HSD17B7: variants seen among roughly 807,000 people sequenced by gnomAD.
The protein encoded by HSD17B7 is 3-keto-steroid reductase/17-beta-hydroxysteroid dehydrogenase 7.
Under a neutral mutation model 34.1 loss-of-function variants are expected in HSD17B7, and 17 were observed. That is an observed-to-expected ratio of 0.50 (90% CI 0.34 to 0.75). The LOEUF (loss-of-function observed/expected upper bound fraction) is 0.75. Ranked by LOEUF, HSD17B7 falls within the 30% of genes least tolerant of loss-of-function variation. The pLI, the probability that HSD17B7 is intolerant of heterozygous loss-of-function variation, is 0.01. For missense variants in HSD17B7, 296 were observed against 406.6 expected (o/e 0.73, Z 2.34); for synonymous variants, 122 against 154.6 (o/e 0.79, Z 1.56).
At chr1:162,805,836 G>A (rs1429106917) in intron 8 of HSD17B7, among the ~76,000 whole-genome samples, 3 of 152,188 alleles carry the variant, frequency 2.0e-5, no homozygotes, top group South Asian at 4.1e-4. Flanking sequence ...GTTCACCTTC[G>A]GGTTCCCCTG....
rs554834510 is a variant in HSD17B7, at chr1:162,797,708, G to C, written c.333-94G>C. ...TCATTATAGAATCAAGGGAGGTGTA[G>C]TTTATGGGTCGGGGGGATGGGTTGG... On this transcript the variant is annotated intron_variant, in intron 3 of 8. Transcript: ENST00000254521. 25 of 1,527,956 alleles carry C rather than the reference G, an allele frequency of 1.6e-5. No individual in the cohort carries two copies. The East Asian group carries it at 5.3e-4, about 32-fold the overall frequency. The allele number at this position is 1,527,956 out of a possible 1,614,324, so 94.6% of individuals were successfully genotyped here.
rs1427327470 is a variant in HSD17B7, at chr1:162,803,449, G to C, written c.661G>C (p.Ala221Pro). The change falls in exon 6 of 9, where the codon GCC becomes CCC. Residue 221 changes from alanine to proline, a missense_variant. Coordinates refer to ENST00000254521, the MANE Select transcript of HSD17B7 (RefSeq NM_016371.4). The part of the protein sequence containing the change: ...FNQQGLYSNV[A>P]CPGTALTNLT... ...TTCCTAGGGTCTCTATTCCAATGTG[G>C]CCTGTCCAGGTACAGCATTGACCAA... The C allele has an allele frequency of 1.9e-5, 31 of 1,612,788 alleles. No individual in the cohort carries two copies. Among genetic ancestry groups the C allele is most frequent in the Non-Finnish European group, 2.5e-5 (30 of 1,179,076 alleles).
intron 5 of HSD17B7, 110 bp downstream of exon 5, chr1:162,800,047 T>C: frequency 1.1e-6 from 1 of 916,938 alleles, no homozygotes; most frequent in Non-Finnish European, 1.7e-6. Flanking sequence ...ATAGTTTAGA[T>C]TGATATTTGG....
chr1:162,796,559 A>G (rs1474079838), intron 2 of HSD17B7, 26 bp from the exon 3 acceptor site: 6 of 1,431,932 alleles, frequency 4.2e-6, no homozygotes, highest in Non-Finnish European at 5.9e-6. Context: ...TGCAACTCAC[A>G]ATCTTGTTTG....
Position 162,802,129 on chromosome 1 carries a change from C to G in HSD17B7, c.643-1302C>G, listed in dbSNP as rs1189785387. Among the ~76,000 whole-genome samples the G allele has an allele frequency of 3.9e-5, 6 of 152,202 alleles. No homozygotes were observed. The South Asian group carries it at 6.2e-4, about 16-fold the overall frequency. ...CTTTAATTATCCATGCATGCTCCCC[C>G]ACTCAAGCTGTAGAGAAATACTCAG... is the stretch of plus-strand genomic sequence containing the variant. On this transcript the variant is annotated intron_variant, in intron 5 of 8. Transcript: ENST00000254521.
At chr1:162,805,977 C>G (rs1296942637) in intron 8 of HSD17B7, among the ~76,000 whole-genome samples, 1 of 152,074 alleles carries the variant, frequency 6.6e-6, no homozygotes, top group African/African-American at 2.4e-5. Flanking sequence ...GTGAAGTTAA[C>G]TTCCCTTTGA....
At chr1:162,794,667 A>G (rs528255453) in intron 2 of HSD17B7, among the ~76,000 whole-genome samples, 1 of 152,044 alleles carries the variant, frequency 6.6e-6, no homozygotes, top group East Asian at 1.9e-4. Flanking sequence ...TTCTTTTCCC[A>G]AACTTTCTTA....
intron 8 of HSD17B7, among the ~76,000 whole-genome samples, chr1:162,812,023 G>C (rs2102239192): frequency 6.6e-6 from 1 of 152,308 alleles, no homozygotes; most frequent in East Asian, 1.9e-4. Flanking sequence ...GGTGTCTTCT[G>C]TTACTGGGCA....
At chr1:162,804,567 G>A (rs1428349344) in intron 7 of HSD17B7, among the ~76,000 whole-genome samples, 1 of 152,048 alleles carries the variant, frequency 6.6e-6, no homozygotes, top group African/African-American at 2.4e-5. Flanking sequence ...CACTTCTTTA[G>A]AGGCAAGATA....
chr1:162,796,048 G>C (rs1417292249), intron 2 of HSD17B7, among the ~76,000 whole-genome samples: 2 of 152,080 alleles, frequency 1.3e-5, no homozygotes, highest in East Asian at 3.9e-4. Flanking sequence ...ACTTGTCCAT[G>C]AACACTGAAA....
rs1648391168 is a variant in HSD17B7 at position 162,791,147 on chromosome 1, G to T, written c.35+312G>T. The stretch of plus-strand genomic sequence containing the variant: ...CGCCCCTTTTCCATCTTTGCCTACT[G>T]TTCGTATTTATCGTCAGTGCCCAAT... On this transcript the variant is annotated intron_variant, in intron 1 of 8. Coordinates refer to ENST00000254521, the MANE Select transcript of HSD17B7 (RefSeq NM_016371.4). Among the ~76,000 whole-genome samples, 2 of 152,186 alleles carry T rather than the reference G, an allele frequency of 1.3e-5. 1 individual carries two copies. The highest frequency in any genetic ancestry group is 4.1e-4 in the South Asian group (2 of 4,824).
chr1:162,791,739 T>G (rs1648414911), intron 1 of HSD17B7, among the ~76,000 whole-genome samples: 1 of 151,842 alleles, frequency 6.6e-6, no homozygotes, highest in African/African-American at 2.4e-5. Context: ...CTGTTTCTTT[T>G]ACATATATTG....
intron 6 of HSD17B7, among the ~76,000 whole-genome samples, chr1:162,804,029 T>C (rs1558095833): frequency 6.6e-6 from 1 of 152,216 alleles, no homozygotes; most frequent in African/African-American, 2.4e-5. Context: ...AAGAAGTGTC[T>C]TTTCCTTAGG....
chr1:162,806,093 T>A (rs147029385), intron 8 of HSD17B7, among the ~76,000 whole-genome samples: 4 of 152,310 alleles, frequency 2.6e-5, no homozygotes, highest in African/African-American at 9.6e-5. Flanking sequence ...TTTTTTAGAC[T>A]TGGTATAATC....
rs944160679 is a variant in HSD17B7, at chr1:162,808,501, G to T, written c.903+3009G>T. Among the ~76,000 whole-genome samples, 8 of 152,296 alleles carry T rather than the reference G, an allele frequency of 5.3e-5. No homozygotes were observed. In the South Asian group the frequency reaches 8.3e-4, roughly 16 times the overall value. On this transcript the variant is annotated intron_variant, in intron 8 of 8. Transcript: ENST00000254521. The stretch of plus-strand genomic sequence containing the variant: ...TGAAAGTAGTTTTTTCCAATTCTGT[G>T]AAGAAAGTCATTGGTAGCTTGATGG...
intron 1 of HSD17B7, among the ~76,000 whole-genome samples, chr1:162,792,389 G>A (rs919310805): frequency 1.3e-5 from 2 of 152,244 alleles, no homozygotes; most frequent in Non-Finnish European, 2.9e-5. Flanking sequence ...CCCAGTAGTA[G>A]AAAAACTAAA....
At chr1:162,800,427 C>T (rs1648769608) in intron 5 of HSD17B7, 1 of 381,970 alleles carries the variant, frequency 2.6e-6, no homozygotes, top group African/African-American at 2.1e-5. Context: ...ATGCTGCCGC[C>T]TAGTGTTTGT....
chr1:162,792,152 T>C (rs1454997927), intron 1 of HSD17B7, among the ~76,000 whole-genome samples: 1 of 152,244 alleles, frequency 6.6e-6, no homozygotes, highest in Non-Finnish European at 1.5e-5. Flanking sequence ...TGCCTCATCC[T>C]GAAAGATTCA....
intron 2 of HSD17B7, among the ~76,000 whole-genome samples, chr1:162,794,633 A>G (rs1161797661): frequency 1.3e-5 from 2 of 152,064 alleles, no homozygotes; most frequent in African/African-American, 2.4e-5. Flanking sequence ...AGAAGTTATG[A>G]GTTTTAAATC....
Sources: allele counts gnomAD v4.1 joint callset (sites outside exome capture counted in the v4.1 genomes callset), GRCh38; gene constraint gnomAD v4.1.1; transcripts MANE v1.5; gene names NCBI Gene and HGNC (gene_info 2026-07-23, HGNC 2026-07-21).